Variants in RYR1 observed in about 807,000 individuals in gnomAD.
RYR1 encodes central core disease of muscle.
RYR1 carries 342 observed loss-of-function variants against 583.5 expected under a neutral mutation model. The observed-to-expected ratio is 0.59, with a 90% confidence interval of 0.54 to 0.64. The LOEUF is 0.64. Ranked by LOEUF, RYR1 falls within the 30% of genes least tolerant of loss-of-function variation. RYR1 has a pLI of 0.00. For synonymous variants in RYR1, 2,791 were observed against 2,822.5 expected (o/e 0.99, Z 0.35); for missense variants, 6,032 against 6,917.2 (o/e 0.87, Z 4.54).
At chr19:38,440,644 C>T in intron 1 of RYR1, 101 bp from the exon 2 acceptor site, 1 of 1,436,888 alleles carries the variant, frequency 7.0e-7, no homozygotes. Flanking sequence ...CAGTCACTGT[C>T]TTTTTCATAA....
At chr19:38,570,567 G>T in intron 93 of RYR1, 40 bp from the exon 94 acceptor site, 2 of 1,505,420 alleles carry the variant, frequency 1.3e-6, no homozygotes, top group Non-Finnish European at 1.8e-6. Flanking sequence ...GGAAGAGGCT[G>T]ATCTGTGAGC....
At chr19:38,519,170 G>A (rs1217087325) in intron 66 of RYR1, 44 bp from the exon 67 acceptor site, 1 of 1,613,614 alleles carries the variant, frequency 6.2e-7, no homozygotes, top group Admixed American at 1.7e-5. Flanking sequence ...TGGGGCCTGT[G>A]TCAGAGGCCG....
chr19:38,506,681 AATGAG>A (rs1724587314), intron 56 of RYR1, 135 bp downstream of exon 56: 2 of 1,477,050 alleles, frequency 1.4e-6, no homozygotes, highest in African/African-American at 1.4e-5. Context: ...ACCATGGGGT[AATGAG>A]ATGAGCACCA....
At chr19:38,571,864 G>T (rs1973728764) in intron 94 of RYR1, among the ~76,000 whole-genome samples, 155 bp from the exon 95 acceptor site, 2 of 152,122 alleles carry the variant, frequency 1.3e-5, no homozygotes, top group African/African-American at 4.8e-5. Context: ...TGATTTGCTA[G>T]CTACAGCCCT....
intron 97 of RYR1, among the ~76,000 whole-genome samples, chr19:38,577,277 G>A (rs890774887): frequency 6.6e-6 from 1 of 152,096 alleles, no homozygotes; most frequent in Non-Finnish European, 1.5e-5. Flanking sequence ...CAGGGTTGTT[G>A]TATTATGTAC....
intron 67 of RYR1, among the ~76,000 whole-genome samples, chr19:38,522,620 A>G (rs552329102): frequency 2.0e-5 from 3 of 148,954 alleles, no homozygotes; most frequent in Non-Finnish European, 4.5e-5. Context: ...GAAAGAAAGA[A>G]AGAGAGAGAG....
intron 29 of RYR1, among the ~76,000 whole-genome samples, chr19:38,476,652 A>G (rs1397968824): frequency 1.3e-5 from 2 of 151,960 alleles, no homozygotes; most frequent in Non-Finnish European, 2.9e-5. Context: ...TACAAGGAGT[A>G]CTCACCCTAG....
chr19:38,464,270 C>T (rs527957822), intron 22 of RYR1, among the ~76,000 whole-genome samples: 3 of 97,982 alleles, frequency 3.1e-5, no homozygotes, highest in Non-Finnish European at 5.4e-5. Flanking sequence ...GAGCGAGACA[C>T]CGTTTCAGAA....
chr19:38,514,892 C>T (rs1970886905), intron 63 of RYR1, 134 bp from the exon 64 acceptor site: 7 of 700,980 alleles, frequency 1.0e-5, no homozygotes, highest in Non-Finnish European at 1.8e-5. Context: ...AGTCACAAGA[C>T]TCGTACATGG....
rs548306580 is a variant in RYR1, at chr19:38,474,681, TCTC to T, written c.4161-634_4161-632del. The stretch of plus-strand genomic sequence containing the variant: ...TCTCCGCCTCCTGGGTTCAAGCAAT[TCTC>T]CTGCCTCAGCCTCTTGAGTATCTGG... On this transcript the variant is annotated intron_variant, in intron 28 of 105. Transcript: ENST00000359596. Among the ~76,000 whole-genome samples the T allele has an allele frequency of 4.2e-3, 628 of 149,386 alleles. 4 individuals carry two copies. The highest frequency in any genetic ancestry group is 0.015 in the African/African-American group (603 of 40,398).
chr19:38,489,145 CCA>C, intron 34 of RYR1, 30 bp from the exon 35 acceptor site: 1 of 1,609,414 alleles, frequency 6.2e-7, no homozygotes, highest in Non-Finnish European at 8.5e-7. Flanking sequence ...GCCTTGCAGG[CCA>C]CAGTGAAGAA....
At chr19:38,447,475 C>G (rs1206665863) in intron 9 of RYR1, among the ~76,000 whole-genome samples, 1 of 151,442 alleles carries the variant, frequency 6.6e-6, no homozygotes, top group Admixed American at 6.6e-5. Flanking sequence ...CAGGAGGTGG[C>G]GGTTGCAGTG....
Position 38,511,567 on chromosome 19 carries a change from C to T in RYR1, c.9129C>T (p.Phe3043=), listed in dbSNP as rs1970727285. Residue 3043 remains phenylalanine (F), a synonymous_variant, in exon 61 of 106, where the codon TTC becomes TTT. Transcript: ENST00000359596. ...TCCCTTTCTCTTTCTTCAGCCTCTT[C>T]TGCAAACTTGCTGCTCTCGTCCGCC... ...NKEKEMITSL[F]CKLAALVRHR... 6.2e-7 allele frequency: 1 copy of T among 1,613,874 alleles called. No homozygotes were observed. Among genetic ancestry groups the T allele is most frequent in the Non-Finnish European group, 8.5e-7 (1 of 1,180,042 alleles).
At position 38,473,448 on chromosome 19, in the gene RYR1, G is replaced by A. The variant is rs1206944560; in HGVS notation, c.3837G>A (p.Gln1279=). 6.2e-7 allele frequency: 1 copy of A among 1,613,978 alleles called. No individual in the cohort carries two copies. Among genetic ancestry groups the A allele is most frequent in the Non-Finnish European group, 8.5e-7 (1 of 1,179,964 alleles). The change falls in exon 28 of 106, where the codon CAG becomes CAA. Residue 1279 remains glutamine (Q), a synonymous_variant. Coordinates refer to ENST00000359596, the MANE Select transcript of RYR1 (RefSeq NM_000540.3). ...LRLTHRTWGS[Q]NSLVEMLFLR... Reference sequence around the variant, plus strand: ...TGACCCACCGCACCTGGGGCTCCCAGAACAGCCTGGTGGAGATGCTTTTCC... The same window carrying A: ...TGACCCACCGCACCTGGGGCTCCCAAAACAGCCTGGTGGAGATGCTTTTCC...
rs118192143 is a variant in RYR1 at position 38,580,395 on chromosome 19, C to G, written c.14537C>G (p.Ala4846Gly). The stretch of plus-strand genomic sequence containing the variant: ...CTGGTGATGACCGTGGGCCTTCTGG[C>G]GGTGGTCGTCTACCTGTACACCGTG... ...KQLVMTVGLL[A>G]VVVYLYTVVA... is the part of the protein sequence containing the mutation. The change falls in exon 101 of 106, where the codon GCG (alanine) becomes GGG (glycine). Residue 4846 changes from alanine (A) to glycine (G), a missense_variant. By Grantham distance (60) the Ala-to-Gly change is moderately conservative (BLOSUM62 0). Around this residue, in one of 11 missense-constraint regions of RYR1, gnomAD observed 189 missense variants for 350.3 expected, o/e 0.54. Coordinates refer to ENST00000359596, the MANE Select transcript of RYR1 (RefSeq NM_000540.3). 2 of 1,614,100 alleles carry G rather than the reference C, an allele frequency of 1.2e-6. No individual in the cohort carries two copies. Among genetic ancestry groups the G allele is most frequent in the South Asian group, 2.2e-5 (2 of 91,082 alleles).
chr19:38,443,934 G>A (rs886724621), intron 5 of RYR1, 138 bp downstream of exon 5: 12 of 874,224 alleles, frequency 1.4e-5, no homozygotes, highest in South Asian at 8.5e-5. Context: ...GAGAGTCTGC[G>A]GTACAGTCCA....
intron 1 of RYR1, among the ~76,000 whole-genome samples, chr19:38,436,150 T>G (rs1276815238): frequency 6.6e-6 from 1 of 152,088 alleles, no homozygotes; most frequent in Non-Finnish European, 1.5e-5. Context: ...CCTCAGATGA[T>G]CCACCCATCT....
intron 54 of RYR1, 76 bp from the exon 55 acceptor site, chr19:38,506,227 G>A: frequency 6.8e-7 from 1 of 1,478,202 alleles, no homozygotes; most frequent in Non-Finnish European, 9.4e-7. Context: ...ATGGACTAGT[G>A]GGGCCTGGGG....
chr19:38,465,400 T>A (rs1336783584), intron 23 of RYR1, among the ~76,000 whole-genome samples: 2 of 151,298 alleles, frequency 1.3e-5, no homozygotes, highest in Non-Finnish European at 3.0e-5. Context: ...CCCAGGAGTT[T>A]GAGGCTGCAG....
Sources: allele counts gnomAD v4.1 joint callset (sites outside exome capture counted in the v4.1 genomes callset), GRCh38; gene constraint gnomAD v4.1.1; regional missense constraint gnomAD v4.1.1; transcripts MANE v1.5; gene names NCBI Gene and HGNC (gene_info 2026-07-23, HGNC 2026-07-21).